The following NALCN variants were observed in gnomAD, a reference collection of about 807,000 sequenced individuals.
The protein encoded by NALCN is sodium leak channel, non-selective.
NALCN carries 111 observed loss-of-function variants against 225.3 expected under a neutral mutation model. The observed-to-expected ratio is 0.49, with a 90% CI of 0.42 to 0.58. The LOEUF is 0.58. Among genes scored for constraint, NALCN ranks in the 20% least tolerant of loss-of-function variants. NALCN has a pLI of 0.00. For synonymous variants in NALCN, 764 were observed against 769.0 expected, an observed-to-expected ratio of 0.99 and a Z score of 0.11; for missense variants, 1,378 against 2,202.4, an observed-to-expected ratio of 0.63 and a Z score of 7.49.
At chr13:101,186,638 C>A (rs2039459714) in intron 14 of NALCN, among the ~76,000 whole-genome samples, 1 of 151,894 alleles carries the variant, frequency 6.6e-6, no homozygotes, top group African/African-American at 2.4e-5. Context: ...AATTATATAT[C>A]ATTTAAAAAA....
chr13:101,320,329 C>T (rs1180875850), intron 7 of NALCN, among the ~76,000 whole-genome samples: 1 of 152,142 alleles, frequency 6.6e-6, no homozygotes, highest in East Asian at 1.9e-4. Flanking sequence ...GCTAGAAAAC[C>T]TCTGGTTGTC....
chr13:101,107,760 T>C lies in NALCN; in HGVS notation c.2394A>G (p.Ala798=). ...DHSNTVRYRN[A]QREDSEIKMI... ...TCTTTATTTCACTGTCTTCTCTTTG[T>C]GCATTTCTATATCTCACTGTATTGG... is the stretch of plus-strand genomic sequence containing the variant. Residue 798 remains alanine (A), a synonymous_variant, in exon 21 of 44, where the codon GCA becomes GCG. Coordinates refer to ENST00000251127, the MANE Select transcript of NALCN (RefSeq NM_052867.4). The C allele has an allele frequency of 6.2e-7, 1 of 1,613,852 alleles. No homozygotes were observed. Among genetic ancestry groups the C allele is most frequent in the Non-Finnish European group, 8.5e-7 (1 of 1,179,896 alleles).
In NALCN at chr13:101,237,901, CA is replaced by C; in HGVS notation, c.1287del (p.Phe429LeufsTer7). ...CATATCTTCAGAAGTGCTTCCAAAT[CA>C]AAAAGTACTGTAAAAGCCACCTAGA... ...YLAEVAFTVL[F>X]DLEALLKIWC... On this transcript the variant is annotated frameshift_variant, in exon 12 of 44. Coordinates refer to ENST00000251127, the MANE Select transcript of NALCN (RefSeq NM_052867.4). LOFTEE classifies it high-confidence loss of function. 6.2e-7 allele frequency: 1 copy of C among 1,603,784 alleles called. No individual in the cohort carries two copies. The highest frequency in any genetic ancestry group is 2.3e-5 in the East Asian group (1 of 44,236).
At position 101,176,308 on chromosome 13, in the gene NALCN, G is replaced by A. The variant is rs1271599809; in HGVS notation, c.1831C>T (p.Leu611Phe). The change falls in exon 15 of 44, where the codon CTT (leucine) becomes TTT (phenylalanine). Residue 611 changes from leucine (L) to phenylalanine (F), a missense_variant. Leu to Phe is a conservative substitution (Grantham distance 22). Coordinates refer to ENST00000251127, the MANE Select transcript of NALCN (RefSeq NM_052867.4). ...CCCCACACACTACTTACTTGTTTAA[G>A]CTTCTTTAGGTCTTCATCAAGTTCT... is the stretch of plus-strand genomic sequence containing the variant. ...NLELDEDLKK[L>F]KQLKQSEANA... is the part of the protein sequence containing the mutation. 6.3e-7 allele frequency: 1 copy of A among 1,581,454 alleles called. No individual in the cohort carries two copies. Among genetic ancestry groups the A allele is most frequent in the South Asian group, 1.2e-5 (1 of 84,634 alleles).
chr13:101,177,429 A>ATATATATATATATATATG (rs71121173), intron 14 of NALCN, among the ~76,000 whole-genome samples: 1 of 148,538 alleles, frequency 6.7e-6, no homozygotes, highest in Non-Finnish European at 1.5e-5. Flanking sequence ...ATATATATAT[A>ATATATATATATATATATG]TATGGTAGAA....
At chr13:101,196,480 T>G (rs1216977312) in intron 13 of NALCN, among the ~76,000 whole-genome samples, 1 of 152,176 alleles carries the variant, frequency 6.6e-6, no homozygotes, top group Non-Finnish European at 1.5e-5. Flanking sequence ...AAATTTCCAC[T>G]TTTAACATTA....
intron 6 of NALCN, among the ~76,000 whole-genome samples, chr13:101,349,751 T>C (rs2045852653): frequency 6.6e-6 from 1 of 152,328 alleles, no homozygotes; most frequent in Non-Finnish European, 1.5e-5. Flanking sequence ...TCCACTTTCA[T>C]GATTTCTCAA....
intron 13 of NALCN, among the ~76,000 whole-genome samples, chr13:101,197,801 G>A (rs921180733): frequency 6.6e-6 from 1 of 152,152 alleles, no homozygotes; most frequent in Non-Finnish European, 1.5e-5. Context: ...CCAACAGTAG[G>A]CTCTGGAAGT....
At chr13:101,361,368 G>A (rs1275501979) in intron 6 of NALCN, among the ~76,000 whole-genome samples, 3 of 152,138 alleles carry the variant, frequency 2.0e-5, no homozygotes, top group Non-Finnish European at 4.4e-5. Context: ...AAGTTCCAGT[G>A]CATGCCTTTA....
In NALCN at chr13:101,068,828, C is replaced by G; in HGVS notation, c.4198-1G>C. ...CTGGAGTACAAAACGGAGGCTGAACCTTTGGGGCATTGGGGTGGAAGAAGG... is the reference window on the plus strand; with the variant it reads ...CTGGAGTACAAAACGGAGGCTGAACGTTTGGGGCATTGGGGTGGAAGAAGG... On this transcript the variant is annotated splice_acceptor_variant, in intron 37 of 43. Transcript: ENST00000251127. LOFTEE classifies it high-confidence loss of function. The G allele has an allele frequency of 1.9e-6, 3 of 1,603,112 alleles. No homozygotes were observed. The highest frequency in any genetic ancestry group is 2.6e-6 in the Non-Finnish European group (3 of 1,175,730).
intron 6 of NALCN, among the ~76,000 whole-genome samples, chr13:101,373,246 T>C (rs2046592217): frequency 6.6e-6 from 1 of 152,080 alleles, no homozygotes; most frequent in African/African-American, 2.4e-5. Context: ...CTATCAAACA[T>C]TTAAGAAAGA....
intron 14 of NALCN, 131 bp from the exon 15 acceptor site, chr13:101,176,505 A>C: frequency 1.7e-5 from 8 of 474,642 alleles, no homozygotes; most frequent in Non-Finnish European, 2.7e-5. Context: ...TGCAGTGATG[A>C]ATCATTGCAT....
intron 1 of NALCN, among the ~76,000 whole-genome samples, chr13:101,403,929 G>A (rs997340895): frequency 3.9e-5 from 6 of 152,152 alleles, no homozygotes; most frequent in Non-Finnish European, 1.5e-5. Flanking sequence ...ATGTCTTTGG[G>A]AAACCAACCA....
rs1423529432 is a variant in NALCN, at chr13:101,174,909, T to C, written c.1839+1391A>G. On this transcript the variant is annotated intron_variant, in intron 15 of 43. Transcript: ENST00000251127. ...GGAAAAGTGACAGCTCAATACCAGA[T>C]TTGTAAAGCATGGACTAAAGTGGTT... Among the ~76,000 whole-genome samples, 3 of 152,332 alleles carry C rather than the reference T, an allele frequency of 2.0e-5. No individual in the cohort carries two copies. In the East Asian group the frequency reaches 5.8e-4, roughly 29 times the overall value.
intron 1 of NALCN, among the ~76,000 whole-genome samples, chr13:101,409,394 C>A (rs760933391): frequency 6.6e-6 from 1 of 152,168 alleles, no homozygotes; most frequent in Admixed American, 6.5e-5. Flanking sequence ...ACAGATCTCT[C>A]GAGCTCACTC....
At chr13:101,282,511 G>T (rs9513879) in intron 10 of NALCN, among the ~76,000 whole-genome samples, 25 of 152,126 alleles carry the variant, frequency 1.6e-4, no homozygotes, top group Admixed American at 5.9e-4. Context: ...GGGACAGGGG[G>T]TAGAAATGGG....
intron 41 of NALCN, 88 bp downstream of exon 41, chr13:101,061,880 A>G (rs1170767963): frequency 7.9e-7 from 1 of 1,266,014 alleles, no homozygotes; most frequent in South Asian, 1.5e-5. Flanking sequence ...AGCTAATCCC[A>G]TGTTCACGAA....
At chr13:101,086,659 A>C (rs2139532406) in intron 30 of NALCN, among the ~76,000 whole-genome samples, 1 of 152,052 alleles carries the variant, frequency 6.6e-6, no homozygotes, top group African/African-American at 2.4e-5. Flanking sequence ...CAAATCTCAT[A>C]TTTCCTTTTA....
chr13:101,329,851 C>G (rs1208415030), intron 7 of NALCN, among the ~76,000 whole-genome samples: 1 of 151,704 alleles, frequency 6.6e-6, no homozygotes. Flanking sequence ...CCAGCCTGGC[C>G]GAAATGGTGA....
Sources: allele counts gnomAD v4.1 joint callset (sites outside exome capture counted in the v4.1 genomes callset), GRCh38; gene constraint gnomAD v4.1.1; transcripts MANE v1.5; gene names NCBI Gene and HGNC (gene_info 2026-07-23, HGNC 2026-07-21).